Variants in GPATCH3 observed in about 807,000 individuals in gnomAD.
GPATCH3 encodes the protein G patch domain-containing protein 3.
A neutral mutation model predicts 53.2 loss-of-function variants in GPATCH3; 45 were observed. The observed-to-expected ratio is 0.85, with a 90% confidence interval of 0.67 to 1.08. The LOEUF is 1.08. Among genes scored for constraint, GPATCH3 ranks in the 50% least tolerant of loss-of-function variants. The pLI is 0.00. For synonymous variants in GPATCH3, 280 were observed against 270.6 expected, an observed-to-expected ratio of 1.03 and a Z score of -0.34; for missense variants, 680 against 687.2, an observed-to-expected ratio of 0.99 and a Z score of 0.12.
In GPATCH3 at chr1:26,894,221, G is replaced by A. The variant is rs947012872; in HGVS notation, c.1051+15C>T. On this transcript the variant is annotated intron_variant, in intron 3 of 6. Transcript: ENST00000361720. ...GCAGGGGTCACCCCTGCCTTTGCCT[G>A]GGTACCAGCATTACCTCCTTCTTCC... The A allele has an allele frequency of 7.4e-6, 12 of 1,612,060 alleles. No homozygotes were observed. The highest frequency in any genetic ancestry group is 9.3e-6 in the Non-Finnish European group (11 of 1,178,804).
rs1215808435 is a variant in GPATCH3 at position 26,890,519 on chromosome 1, C to G, written c.*491G>C. 6.4e-5 allele frequency: 18 copies of G among 283,078 alleles called. No individual in the cohort carries two copies. Among genetic ancestry groups the G allele is most frequent in the East Asian group, 2.5e-4 (3 of 12,122 alleles). 17.5% of individuals were successfully genotyped at this position (283,078 alleles called of 1,614,324 possible). ...AGTAAACGTCTTTATTCTTCCGTGA[C>G]GTCGCACACCCAAGCCACCTCCCGC... On this transcript the variant is annotated 3_prime_UTR_variant, in exon 7 of 7. Transcript: ENST00000361720.
chr1:26,896,656 G>A (rs376265662), intron 2 of GPATCH3, among the ~76,000 whole-genome samples: 5 of 149,832 alleles, frequency 3.3e-5, no homozygotes, highest in Non-Finnish European at 7.4e-5. Flanking sequence ...AGCCGAGATC[G>A]CACCACTTCA....
At chr1:26,895,522 TAAAAAAAAAAA>T (rs763002456) in intron 2 of GPATCH3, among the ~76,000 whole-genome samples, 1 of 84,464 alleles carries the variant, frequency 1.2e-5, no homozygotes, top group East Asian at 3.1e-4. Flanking sequence ...AGAGCCTGCT[TAAAAAAAAAAA>T]AAAAAAAAAA....
chr1:26,897,092 A>G (rs1390590899), intron 2 of GPATCH3, among the ~76,000 whole-genome samples: 2 of 152,152 alleles, frequency 1.3e-5, no homozygotes, highest in East Asian at 3.8e-4. Context: ...CCACTTACGA[A>G]TCTTCTGGTA....
rs2081919199 is a variant in GPATCH3 at position 26,890,586 on chromosome 1, G to C, written c.*424C>G. 2 of 366,422 alleles carry C rather than the reference G, an allele frequency of 5.5e-6. No homozygotes were observed. The highest frequency in any genetic ancestry group is 1.1e-5 in the Non-Finnish European group (2 of 186,640). 22.7% of individuals were successfully genotyped at this position (366,422 alleles called of 1,614,324 possible). A position where few individuals can be genotyped will look rare whatever the true frequency, so the allele number is the denominator to read the frequency against. On this transcript the variant is annotated 3_prime_UTR_variant, in exon 7 of 7. Transcript: ENST00000361720. ...GTCCCACCCAGTGAGGGTAGAGGCG[G>C]TGGAGGGCCCACCCAAGGCCGGCTC...
intron 3 of GPATCH3, among the ~76,000 whole-genome samples, 164 bp from the exon 4 acceptor site, chr1:26,893,612 C>G (rs1488864136): frequency 6.6e-6 from 1 of 150,806 alleles, no homozygotes; most frequent in Non-Finnish European, 1.5e-5. Context: ...CCTCTGCCTC[C>G]CGGGTTCAAG....
At chr1:26,896,024 A>G (rs563903825) in intron 2 of GPATCH3, among the ~76,000 whole-genome samples, 1 of 152,316 alleles carries the variant, frequency 6.6e-6, no homozygotes, top group South Asian at 2.1e-4. Flanking sequence ...ACTTGATTTT[A>G]TGGATGTGCA....
chr1:26,892,711 C>G lies in GPATCH3; in HGVS notation c.1192G>C (p.Val398Leu). ...RLRDGQEDGS[V>L]IERQVGTFER... ...AAGGTGCCCACCTGGCGTTCGATCA[C>G]AGAGCCATCTTCCTGTCCATCTCGG... The change falls in exon 5 of 7, where the codon GTG becomes CTG. Residue 398 changes from valine to leucine, a missense_variant. Transcript: ENST00000361720. The G allele has an allele frequency of 6.2e-7, 1 of 1,614,232 alleles. No homozygotes were observed. Among genetic ancestry groups the G allele is most frequent in the Non-Finnish European group, 8.5e-7 (1 of 1,180,048 alleles).
intron 2 of GPATCH3, among the ~76,000 whole-genome samples, chr1:26,896,293 T>C (rs1401806103): frequency 3.3e-5 from 5 of 151,998 alleles, no homozygotes; most frequent in Non-Finnish European, 5.9e-5. Flanking sequence ...TGAACTCTCC[T>C]TATCTGGTCT....
Position 26,891,002 on chromosome 1 carries a change from C to T in GPATCH3, c.*8G>A, listed in dbSNP as rs373564628. On this transcript the variant is annotated 3_prime_UTR_variant, in exon 7 of 7. Transcript: ENST00000361720. The stretch of plus-strand genomic sequence containing the variant: ...TCATGTAGCTATGAAAGGAAGCCCC[C>T]AACCCGGTCAGTCAGGCAATGAGGG... 14 of 1,612,938 alleles carry T rather than the reference C, an allele frequency of 8.7e-6. No homozygotes were observed. Among genetic ancestry groups the T allele is most frequent in the Non-Finnish European group, 1.2e-5 (14 of 1,179,022 alleles).
intron 4 of GPATCH3, 166 bp from the exon 5 acceptor site, chr1:26,892,957 A>G (rs977339227): frequency 9.5e-6 from 7 of 739,814 alleles, no homozygotes; most frequent in South Asian, 3.7e-5. Context: ...GCTCTCCCCA[A>G]TCATACAGAT....
chr1:26,893,891 A>C (rs2081939367), intron 3 of GPATCH3, among the ~76,000 whole-genome samples: 1 of 152,042 alleles, frequency 6.6e-6, no homozygotes, highest in Admixed American at 6.6e-5. Context: ...ATCATAGCTC[A>C]CTGCAACCTT....
At chr1:26,892,838 G>C in intron 4 of GPATCH3, 47 bp from the exon 5 acceptor site, 6 of 1,601,188 alleles carry the variant, frequency 3.7e-6, no homozygotes, top group Non-Finnish European at 5.1e-6. Context: ...CTCAAAGAAG[G>C]GGGAAGAATC....
At position 26,900,065 on chromosome 1, in the gene GPATCH3, C is replaced by A. The variant is rs769222407; in HGVS notation, c.378G>T (p.Trp126Cys). The A allele has an allele frequency of 5.0e-6, 8 of 1,614,184 alleles. No individual in the cohort carries two copies. The highest frequency in any genetic ancestry group is 6.8e-6 in the Non-Finnish European group (8 of 1,180,052). The part of the protein sequence containing the change: ...RLIRMYSGRR[W>C]LDSHGTWLPG... ...GTAGCCAAGTCCCGTGAGAATCCAGCCACCGGCGGCCCGAGTACATGCGAA... is the reference window on the plus strand; with the variant it reads ...GTAGCCAAGTCCCGTGAGAATCCAGACACCGGCGGCCCGAGTACATGCGAA... The change falls in exon 1 of 7, where the codon TGG becomes TGT. Residue 126 changes from tryptophan (W) to cysteine (C), a missense_variant. Physicochemically the swap from Trp to Cys is radical, Grantham distance 215. Transcript: ENST00000361720.
intron 1 of GPATCH3, 41 bp downstream of exon 1, chr1:26,899,951 C>A: frequency 1.3e-6 from 2 of 1,583,552 alleles, no homozygotes; most frequent in South Asian, 2.3e-5. Context: ...TGCCTCTGTT[C>A]CAGGCCCGTA....
In GPATCH3 at chr1:26,897,637, T is replaced by C. The variant is rs1312426853; in HGVS notation, c.540A>G (p.Gln180=). ...NEAFTLADLK[Q]LPELNPPVLM... The stretch of plus-strand genomic sequence containing the variant: ...GCACTGGTGGGTTCAGCTCCGGCAG[T>C]TGCTTCAGGTCAGCCAGGGTGAAGG... Residue 180 remains glutamine (Q), a synonymous_variant, in exon 2 of 7, where the codon CAA becomes CAG. Transcript: ENST00000361720. 2 of 1,614,194 alleles carry C rather than the reference T, an allele frequency of 1.2e-6. No homozygotes were observed. Among genetic ancestry groups the C allele is most frequent in the Admixed American group, 3.3e-5 (2 of 60,008 alleles).
At position 26,890,505 on chromosome 1, in the gene GPATCH3, T is replaced by C; in HGVS notation, c.*505A>G. ...AAGGGAGCTCCAGTAGTAAACGTCT[T>C]TATTCTTCCGTGACGTCGCACACCC... On this transcript the variant is annotated 3_prime_UTR_variant, in exon 7 of 7. Coordinates refer to ENST00000361720, the MANE Select transcript of GPATCH3 (RefSeq NM_022078.3). 1 of 292,290 alleles carries C rather than the reference T, an allele frequency of 3.4e-6. No individual in the cohort carries two copies. The highest frequency in any genetic ancestry group is 4.5e-5 in the South Asian group (1 of 22,198). The allele number at this position is 292,290 out of a possible 1,614,324, so 18.1% of individuals were successfully genotyped here.
Position 26,900,370 on chromosome 1 carries a change from G to C in GPATCH3, c.73C>G (p.Arg25Gly). ...LVVSGIPSVLRSAHLRSYFSQ... is the reference protein window; with the variant it reads ...LVVSGIPSVLGSAHLRSYFSQ... ...AAATAGCTCCGTAAATGGGCCGAGC[G>C]CAACACGGAGGGGATACCGCTCACT... The change falls in exon 1 of 7, where the codon CGC (arginine) becomes GGC (glycine). Residue 25 changes from arginine to glycine, a missense_variant. Transcript: ENST00000361720. 1.2e-6 allele frequency: 2 copies of C among 1,613,972 alleles called. No individual in the cohort carries two copies. The highest frequency in any genetic ancestry group is 1.1e-5 in the South Asian group (1 of 91,068).
Position 26,897,656 on chromosome 1 carries a change from G to A in GPATCH3, c.521C>T (p.Thr174Ile), listed in dbSNP as rs200916592. The A allele has an allele frequency of 1.2e-6, 2 of 1,614,172 alleles. No homozygotes were observed. The highest frequency in any genetic ancestry group is 1.7e-6 in the Non-Finnish European group (2 of 1,180,014). ...QSWKAENEAF[T>I]LADLKQLPEL... ...CGGCAGTTGCTTCAGGTCAGCCAGG[G>A]TGAAGGCTTCATTCTCTGCCTTCCA... The change falls in exon 2 of 7, where the codon ACC (threonine) becomes ATC (isoleucine). Residue 174 changes from threonine (T) to isoleucine (I), a missense_variant. Thr to Ile is a moderately conservative substitution (Grantham distance 89). Transcript: ENST00000361720.
Sources: gnomAD v4.1 joint callset for allele counts (sites outside exome capture counted in the v4.1 genomes callset) on GRCh38, gnomAD v4.1.1 for gene constraint, MANE v1.5 for transcripts, NCBI Gene and HGNC (gene_info 2026-07-23, HGNC 2026-07-21) for gene names.